ARHGAP42: variants seen among roughly 807,000 people sequenced by gnomAD.
ARHGAP42 encodes the protein rho GTPase-activating protein 42.
Under a neutral mutation model 125.0 loss-of-function variants are expected in ARHGAP42, and 63 were observed. That is an observed-to-expected ratio of 0.50 (90% CI 0.41 to 0.62). The LOEUF is 0.62. Among genes scored for constraint, ARHGAP42 ranks in the 20% least tolerant of loss-of-function variants. The probability of loss-of-function intolerance (pLI) is 0.00; values close to 1 mark genes in which losing one functional copy is unlikely to be tolerated. For missense variants in ARHGAP42, 766 were observed against 1,024.2 expected, an observed-to-expected ratio of 0.75 and a Z score of 3.44; for synonymous variants, 339 against 351.0, an observed-to-expected ratio of 0.97 and a Z score of 0.38.
chr11:100,918,067 A>G (rs1309562176), intron 5 of ARHGAP42, among the ~76,000 whole-genome samples: 1 of 152,118 alleles, frequency 6.6e-6, no homozygotes, highest in Non-Finnish European at 1.5e-5. Flanking sequence ...TTAATCTTGA[A>G]TGTTGCTTGT....
chr11:100,908,124 T>C, intron 4 of ARHGAP42, among the ~76,000 whole-genome samples: 1 of 152,222 alleles, frequency 6.6e-6, no homozygotes, highest in South Asian at 2.1e-4. Context: ...CTTCTAGTAA[T>C]ATTAAAATGA....
At chr11:100,900,164 G>A (rs933857157) in intron 4 of ARHGAP42, among the ~76,000 whole-genome samples, 5 of 152,000 alleles carry the variant, frequency 3.3e-5, no homozygotes, top group African/African-American at 1.2e-4. Flanking sequence ...CTTCACTTAT[G>A]AAATTTAGTT....
chr11:100,729,723 A>G lies in ARHGAP42; in HGVS notation c.155-40620A>G, dbSNP rs187433798. The stretch of plus-strand genomic sequence containing the variant: ...TATACTACAGCAGAGTCTACTGAAT[A>G]TAATAGAATCTCTTTTCCGGATGAC... On this transcript the variant is annotated intron_variant, in intron 1 of 23. Coordinates refer to ENST00000298815, the MANE Select transcript of ARHGAP42 (RefSeq NM_152432.4). Among the ~76,000 whole-genome samples, 8 of 152,284 alleles carry G rather than the reference A, an allele frequency of 5.3e-5. No individual in the cohort carries two copies. The East Asian group carries it at 1.5e-3, about 29-fold the overall frequency.
chr11:100,964,101 G>A (rs1858027248), intron 16 of ARHGAP42, among the ~76,000 whole-genome samples: 1 of 151,974 alleles, frequency 6.6e-6, no homozygotes, highest in South Asian at 2.1e-4. Context: ...TTTACTAGAT[G>A]TGAAGTTAAG....
At chr11:100,960,807 T>C in intron 13 of ARHGAP42, 108 bp from the exon 14 acceptor site, 1 of 585,242 alleles carries the variant, frequency 1.7e-6, no homozygotes, top group Non-Finnish European at 2.8e-6. Context: ...ACTGTGAAAT[T>C]GGATAAGTAG....
chr11:100,923,625 G>A (rs907115368), intron 6 of ARHGAP42, among the ~76,000 whole-genome samples: 5 of 152,120 alleles, frequency 3.3e-5, no homozygotes, highest in Non-Finnish European at 5.9e-5. Flanking sequence ...AAATACAGTA[G>A]AGAAGTAGAA....
At chr11:100,728,714 GTATATATATATATATATATATA>G (rs57293905) in intron 1 of ARHGAP42, among the ~76,000 whole-genome samples, 9 of 70,404 alleles carry the variant, frequency 1.3e-4, no homozygotes, top group East Asian at 9.7e-4. Context: ...ATGACTTTGC[GTATATATATATATATATATATA>G]TATATATATA....
rs963988133 is a variant in ARHGAP42 at position 100,806,623 on chromosome 11, G to T, written c.312+11457G>T. ...AAAAAAATAATAATAAATCATCTCA[G>T]TGTCCTACATGCATAAAGTTCTGAT... On this transcript the variant is annotated intron_variant, in intron 3 of 23. Transcript: ENST00000298815. Among the ~76,000 whole-genome samples the T allele has an allele frequency of 2.0e-5, 3 of 151,834 alleles. No individual in the cohort carries two copies. The South Asian group carries it at 6.2e-4, about 32-fold the overall frequency.
intron 17 of ARHGAP42, among the ~76,000 whole-genome samples, chr11:100,968,926 G>T (rs1242552559): frequency 2.9e-5 from 1 of 34,840 alleles, no homozygotes; most frequent in East Asian, 0.015. Flanking sequence ...CCTACACTGG[G>T]TGTTTTTTTG....
intron 23 of ARHGAP42, among the ~76,000 whole-genome samples, 171 bp from the exon 24 acceptor site, chr11:100,988,535 ATCATTTT>A (rs1858747622): frequency 6.6e-6 from 1 of 152,242 alleles, no homozygotes; most frequent in South Asian, 2.1e-4. Flanking sequence ...CAAATATTAC[ATCATTTT>A]ATATCAGGGA....
intron 4 of ARHGAP42, among the ~76,000 whole-genome samples, chr11:100,903,734 A>C (rs1368226248): frequency 9.4e-6 from 1 of 106,122 alleles, no homozygotes; most frequent in Non-Finnish European, 2.0e-5. Flanking sequence ...ATATATATAT[A>C]TATATATATA....
At chr11:100,839,943 A>C (rs1864905167) in intron 3 of ARHGAP42, 1 of 152,208 alleles carries the variant, frequency 6.6e-6, no homozygotes, top group Admixed American at 6.6e-5. Context: ...AGGAGACTGT[A>C]GTGCCAGACC....
chr11:100,973,559 T>C (rs1464608579), intron 18 of ARHGAP42, among the ~76,000 whole-genome samples: 1 of 152,220 alleles, frequency 6.6e-6, no homozygotes, highest in Non-Finnish European at 1.5e-5. Context: ...TTACATTGTA[T>C]GGTAAGTTTA....
At chr11:100,728,726 A>G (rs1448717334) in intron 1 of ARHGAP42, among the ~76,000 whole-genome samples, 10 of 102,464 alleles carry the variant, frequency 9.8e-5, no homozygotes, top group South Asian at 3.1e-4. Flanking sequence ...ATATATATAT[A>G]TATATATATA....
intron 3 of ARHGAP42, among the ~76,000 whole-genome samples, chr11:100,836,484 T>A (rs760689445): frequency 2.0e-5 from 3 of 152,120 alleles, no homozygotes; most frequent in Admixed American, 1.3e-4. Context: ...CTCTGAGTTA[T>A]AGGAGAAATA....
At chr11:100,949,156 G>A (rs78385223) in intron 11 of ARHGAP42, among the ~76,000 whole-genome samples, 7,510 of 152,012 alleles carry the variant, frequency 0.049, 319 homozygotes, top group East Asian at 0.25. Context: ...GGAAATAAGA[G>A]TCGCCATCCT....
At chr11:100,975,586 G>C (rs550108405) in intron 19 of ARHGAP42, among the ~76,000 whole-genome samples, 6 of 152,276 alleles carry the variant, frequency 3.9e-5, no homozygotes, top group African/African-American at 1.4e-4. Flanking sequence ...TTGAATGAAA[G>C]AAGGCTGAGT....
intron 12 of ARHGAP42, among the ~76,000 whole-genome samples, chr11:100,958,720 G>A (rs1426539153): frequency 6.6e-6 from 1 of 151,816 alleles, no homozygotes; most frequent in East Asian, 1.9e-4. Context: ...TTTACATTTT[G>A]AGAAAATAGG....
intron 3 of ARHGAP42, among the ~76,000 whole-genome samples, chr11:100,856,069 C>T (rs1479664783): frequency 6.6e-6 from 1 of 151,980 alleles, no homozygotes; most frequent in African/African-American, 2.4e-5. Flanking sequence ...ACTGTGGGAT[C>T]CTGAATCTCC....
Sources: gnomAD v4.1 joint callset for allele counts (sites outside exome capture counted in the v4.1 genomes callset) on GRCh38, gnomAD v4.1.1 for gene constraint, MANE v1.5 for transcripts, NCBI Gene and HGNC (gene_info 2026-07-23, HGNC 2026-07-21) for gene names.